GRAMD4: variants seen among roughly 807,000 people sequenced by gnomAD.
The protein encoded by GRAMD4 is GRAM domain containing 4.
In GRAMD4, 25 loss-of-function variants were observed where a neutral mutation model predicts 83.9. That is an observed-to-expected ratio of 0.30 (90% CI 0.22 to 0.42). The LOEUF is 0.42. Ranked by LOEUF, GRAMD4 falls within the 10% of genes least tolerant of loss-of-function variation. GRAMD4 has a pLI of 1.00. For missense variants in GRAMD4, 593 were observed against 788.7 expected (o/e 0.75, Z 2.97); for synonymous variants, 336 against 320.9 (o/e 1.05, Z -0.50).
At chr22:46,630,291 GC>G in intron 2 of GRAMD4, among the ~76,000 whole-genome samples, 1 of 152,292 alleles carries the variant, frequency 6.6e-6, no homozygotes, top group African/African-American at 2.4e-5. Context: ...CTCCCAGAGT[GC>G]TGGGATTACA....
At position 46,670,119 on chromosome 22, in the gene GRAMD4, G is replaced by A. The variant is rs188404067; in HGVS notation, c.1084+1211G>A. ...TGCCGGAGTCGGGAGGTCAGACCCC[G>A]GCCCCTCAGCAGTCTAGGCTTGGCG... is the stretch of plus-strand genomic sequence containing the variant. On this transcript the variant is annotated intron_variant, in intron 13 of 18. Transcript: ENST00000406902. Among the ~76,000 whole-genome samples, 5 of 152,316 alleles carry A rather than the reference G, an allele frequency of 3.3e-5. No individual in the cohort carries two copies. The East Asian group carries it at 5.8e-4, about 18-fold the overall frequency.
At chr22:46,633,426 C>T (rs960904312) in intron 2 of GRAMD4, among the ~76,000 whole-genome samples, 6 of 152,236 alleles carry the variant, frequency 3.9e-5, no homozygotes, top group Non-Finnish European at 7.3e-5. Flanking sequence ...GGCATGGATG[C>T]CCGTCCTCTC....
intron 11 of GRAMD4, among the ~76,000 whole-genome samples, 192 bp downstream of exon 11, chr22:46,668,359 T>TA (rs2082443398): frequency 6.6e-6 from 1 of 152,180 alleles, no homozygotes; most frequent in Non-Finnish European, 1.5e-5. Flanking sequence ...GGATGGTCGT[T>TA]ACAGCAACTC....
rs1449537600 is a variant in GRAMD4, at chr22:46,577,151, C to T, written c.-189C>T. 9.9e-5 allele frequency: 33 copies of T among 334,972 alleles called. 1 individual carries two copies. Among genetic ancestry groups the T allele is most frequent in the Non-Finnish European group, 1.2e-4 (29 of 239,118 alleles). The allele number at this position is 334,972 out of a possible 1,614,324, so 20.7% of individuals were successfully genotyped here. ...CCGCCGCCGCCTCCGCGCTCGTGGC[C>T]GGGACCCGCGGGGCCGCCTCCTCCC... On this transcript the variant is annotated 5_prime_UTR_variant, in exon 1 of 2. Transcript: ENST00000431155.
intron 17 of GRAMD4, 121 bp downstream of exon 17, chr22:46,675,673 G>A (rs1047434971): frequency 1.5e-5 from 11 of 713,142 alleles, no homozygotes; most frequent in African/African-American, 1.2e-4. Context: ...CCGCGGCCAC[G>A]CTGGCCGGCC....
At chr22:46,635,683 AG>A (rs1569277834) in intron 2 of GRAMD4, among the ~76,000 whole-genome samples, 18 of 76,764 alleles carry the variant, frequency 2.3e-4, no homozygotes, top group African/African-American at 1.2e-3. Context: ...TGTCCAGGGG[AG>A]CTGTGTCCTC....
intron 1 of GRAMD4, among the ~76,000 whole-genome samples, chr22:46,579,656 C>T (rs1328414452): frequency 6.6e-6 from 1 of 152,150 alleles, no homozygotes; most frequent in African/African-American, 2.4e-5. Context: ...ATCCGTGTGC[C>T]CCCTCCCCTC....
At chr22:46,578,116 G>A (rs923089415) in intron 1 of GRAMD4, among the ~76,000 whole-genome samples, 2 of 152,340 alleles carry the variant, frequency 1.3e-5, no homozygotes, top group African/African-American at 4.8e-5. Context: ...TTCGGCTATT[G>A]TCAACCCTGC....
intron 1 of GRAMD4, among the ~76,000 whole-genome samples, chr22:46,596,802 C>T (rs974497448): frequency 6.6e-6 from 1 of 152,222 alleles, no homozygotes; most frequent in African/African-American, 2.4e-5. Flanking sequence ...CCATTGGCCT[C>T]AGTTTCCCAA....
chr22:46,640,936 T>C (rs2081966652), intron 3 of GRAMD4, among the ~76,000 whole-genome samples: 2 of 151,940 alleles, frequency 1.3e-5, no homozygotes, highest in Admixed American at 1.3e-4. Context: ...GCCACGAGTC[T>C]AATATCACAA....
intron 13 of GRAMD4, among the ~76,000 whole-genome samples, chr22:46,670,038 G>T (rs952482770): frequency 1.3e-5 from 2 of 152,248 alleles, no homozygotes; most frequent in South Asian, 4.1e-4. Context: ...CTGAGCCCAC[G>T]CAGGACAGCG....
chr22:46,585,028 T>C (rs2081135253), intron 1 of GRAMD4, among the ~76,000 whole-genome samples: 1 of 152,214 alleles, frequency 6.6e-6, no homozygotes, highest in African/African-American at 2.4e-5. Context: ...CCGCATCTGC[T>C]GGGCTTTCTG....
chr22:46,582,359 G>A (rs765522010), intron 1 of GRAMD4, among the ~76,000 whole-genome samples: 1 of 152,106 alleles, frequency 6.6e-6, no homozygotes, highest in South Asian at 2.1e-4. Context: ...TCCAGGAAAC[G>A]GCTCAGCCTC....
intron 1 of GRAMD4, among the ~76,000 whole-genome samples, chr22:46,609,103 T>TAA (rs59663541): frequency 1.5e-5 from 2 of 135,208 alleles, no homozygotes; most frequent in African/African-American, 6.3e-5. Context: ...ACCTTGTCTC[T>TAA]AAAAAAAAAA....
At chr22:46,615,654 A>G (rs1184218964), upstream of GRAMD4, among the ~76,000 whole-genome samples, 12 of 64,258 alleles carry the variant, frequency 1.9e-4, no homozygotes, top group Admixed American at 4.2e-4. Context: ...CTGTGCGTGT[A>G]GGTTCCCCCG....
intron 3 of GRAMD4, 75 bp from the exon 4 acceptor site, chr22:46,658,112 C>G (rs1445829711): frequency 6.3e-7 from 1 of 1,585,674 alleles, no homozygotes; most frequent in East Asian, 2.2e-5. Flanking sequence ...GAGTCAGGCA[C>G]CCCTGCCCCA....
At chr22:46,667,595 G>A (rs1861742) in intron 10 of GRAMD4, among the ~76,000 whole-genome samples, 9,857 of 152,332 alleles carry the variant, frequency 0.065, 661 homozygotes, top group African/African-American at 0.17. Flanking sequence ...GCAGAAGGGA[G>A]GCCTCGGTGC....
At chr22:46,618,017 C>T (rs1157229133), upstream of GRAMD4, among the ~76,000 whole-genome samples, 2 of 152,162 alleles carry the variant, frequency 1.3e-5, no homozygotes, top group African/African-American at 4.8e-5. The surrounding 1 kb of genome is among the most constrained non-coding windows in gnomAD (Gnocchi z 5.8). Flanking sequence ...CATGGGTGTC[C>T]CTTTCTCTTG....
In GRAMD4 at chr22:46,602,014, A is replaced by G. The variant is rs985704849; in HGVS notation, c.-50+24724A>G. Among the ~76,000 whole-genome samples the G allele has an allele frequency of 3.3e-5, 5 of 152,074 alleles. 1 individual carries two copies. The Middle Eastern group carries it at 0.01, about 310-fold the overall frequency. ...TTCTCCTCTCCTCCTCCTCGTTTCC[A>G]TAGACACATGGCCAGGCACGTGCTG... On this transcript the variant is annotated intron_variant, in intron 1 of 1. Transcript: ENST00000431155.
Sources: gnomAD v4.1 joint callset for allele counts (sites outside exome capture counted in the v4.1 genomes callset) on GRCh38, gnomAD v4.1.1 for gene constraint, Gnocchi (gnomAD v3.1) non-coding constraint, MANE v1.5 for transcripts, NCBI Gene and HGNC (gene_info 2026-07-23, HGNC 2026-07-21) for gene names.